Variants in RAB22A observed in about 807,000 individuals in gnomAD.
RAB22A encodes the protein RAB22A, member RAS oncogene family.
In RAB22A, 13 loss-of-function variants were observed where a neutral mutation model predicts 30.2. The observed-to-expected ratio is 0.43, with a 90% CI of 0.28 to 0.68. RAB22A has a LOEUF of 0.68. Among genes scored for constraint, RAB22A ranks in the 30% least tolerant of loss-of-function variants. The pLI, the probability that RAB22A is intolerant of heterozygous loss-of-function variation, is 0.18. For synonymous variants in RAB22A, 89 were observed against 87.2 expected, an observed-to-expected ratio of 1.02 and a Z score of -0.11; for missense variants, 177 against 246.8, an observed-to-expected ratio of 0.72 and a Z score of 1.89.
In RAB22A at chr20:58,366,576, CCTCAAAGACATGTACAA is replaced by C. The variant is rs1209330062; in HGVS notation, c.*6877_*6893del. The C allele has an allele frequency of 6.6e-6, 1 of 152,064 alleles. No individual in the cohort carries two copies. The highest frequency in any genetic ancestry group is 1.5e-5 in the Non-Finnish European group (1 of 67,998). 9.4% of individuals were successfully genotyped at this position (152,064 alleles called of 1,614,324 possible). ...TACAGGTATCAAAATATCATAGGCA[CCTCAAAGACATGTACAA>C]CTCTTAATTTAACATTTTTGAAAGA... On this transcript the variant is annotated 3_prime_UTR_variant, in exon 7 of 7. Transcript: ENST00000244040.
intron 2 of RAB22A, among the ~76,000 whole-genome samples, chr20:58,311,913 A>G (rs561442338): frequency 7.9e-5 from 12 of 152,304 alleles, no homozygotes; most frequent in African/African-American, 2.4e-4. Context: ...AAACTGCCAT[A>G]AGATTGTCCC....
Position 58,361,536 on chromosome 20 carries a change from A to G in RAB22A, c.*1833A>G, listed in dbSNP as rs1987224331. 1 of 152,154 alleles carries G rather than the reference A, an allele frequency of 6.6e-6. No homozygotes were observed. Among genetic ancestry groups the G allele is most frequent in the South Asian group, 2.1e-4 (1 of 4,824 alleles). The allele number at this position is 152,154 out of a possible 1,614,324, so 9.4% of individuals were successfully genotyped here. On this transcript the variant is annotated 3_prime_UTR_variant, in exon 7 of 7. Coordinates refer to ENST00000244040, the MANE Select transcript of RAB22A (RefSeq NM_020673.3). Reference sequence around the variant, plus strand: ...TTTGCTTCCTCCCCGGTGCTAAATTAGCAAGCTCCTAGAGAAGCCATGTGA... The same window carrying G: ...TTTGCTTCCTCCCCGGTGCTAAATTGGCAAGCTCCTAGAGAAGCCATGTGA...
At chr20:58,323,899 A>G (rs1021093549) in intron 2 of RAB22A, among the ~76,000 whole-genome samples, 21 of 152,122 alleles carry the variant, frequency 1.4e-4, no homozygotes, top group African/African-American at 5.1e-4. Flanking sequence ...TTAATGTGGT[A>G]AATTATATCA....
At chr20:58,358,912 A>AT (rs1228956228) in intron 6 of RAB22A, among the ~76,000 whole-genome samples, 1 of 150,716 alleles carries the variant, frequency 6.6e-6, no homozygotes, top group Non-Finnish European at 1.5e-5. Flanking sequence ...AAAAAAAAAA[A>AT]GGTGACGGCT....
chr20:58,317,507 T>C (rs1360637680), intron 2 of RAB22A, among the ~76,000 whole-genome samples: 1 of 152,114 alleles, frequency 6.6e-6, no homozygotes, highest in African/African-American at 2.4e-5. Flanking sequence ...TTTAAAATGC[T>C]TAGGAAAGTA....
chr20:58,317,386 C>T (rs995798442), intron 2 of RAB22A, among the ~76,000 whole-genome samples: 1 of 149,710 alleles, frequency 6.7e-6, no homozygotes, highest in African/African-American at 2.5e-5. Context: ...CATGAGCCGC[C>T]GTGCCTGGCC....
chr20:58,314,856 G>A (rs1156590010), intron 2 of RAB22A, among the ~76,000 whole-genome samples: 3 of 151,948 alleles, frequency 2.0e-5, no homozygotes, highest in African/African-American at 7.2e-5. Flanking sequence ...AAAAAGAAAA[G>A]AAAAAAAAGT....
chr20:58,319,386 TG>T (rs1986407679), intron 2 of RAB22A, among the ~76,000 whole-genome samples: 3 of 152,240 alleles, frequency 2.0e-5, no homozygotes, highest in Non-Finnish European at 4.4e-5. Flanking sequence ...GGTGTATTTC[TG>T]GATTTCCTTT....
intron 2 of RAB22A, among the ~76,000 whole-genome samples, chr20:58,343,247 A>G (rs1284607741): frequency 1.3e-5 from 2 of 152,192 alleles, no homozygotes; most frequent in African/African-American, 4.8e-5. Flanking sequence ...AATGTTATTA[A>G]TTCGCATGTT....
chr20:58,315,971 T>G (rs544899461), intron 2 of RAB22A, among the ~76,000 whole-genome samples: 1 of 152,146 alleles, frequency 6.6e-6, no homozygotes, highest in Non-Finnish European at 1.5e-5. Flanking sequence ...ATCTCTCCTG[T>G]GCTTCCTCCA....
chr20:58,331,870 G>A (rs1986666788), intron 2 of RAB22A, among the ~76,000 whole-genome samples: 1 of 152,134 alleles, frequency 6.6e-6, no homozygotes, highest in Admixed American at 6.5e-5. Flanking sequence ...CAGGTGACGG[G>A]TATTTAAACA....
chr20:58,315,305 A>G (rs904377404), intron 2 of RAB22A, among the ~76,000 whole-genome samples: 1 of 152,096 alleles, frequency 6.6e-6, no homozygotes, highest in Non-Finnish European at 1.5e-5. Flanking sequence ...CTTCACCTGT[A>G]TAATGTGACC....
At chr20:58,337,782 GCCCTGTCTATTCTGT>G (rs1986784660) in intron 2 of RAB22A, among the ~76,000 whole-genome samples, 2 of 152,126 alleles carry the variant, frequency 1.3e-5, no homozygotes, top group African/African-American at 4.8e-5. Flanking sequence ...CCTCTCACCA[GCCCTGTCTATTCTGT>G]GTCCCATCTG....
At chr20:58,332,557 A>G (rs184959588) in intron 2 of RAB22A, among the ~76,000 whole-genome samples, 2 of 152,326 alleles carry the variant, frequency 1.3e-5, no homozygotes, top group Admixed American at 1.3e-4. Context: ...AGATAAGTAG[A>G]AAGTATCCAA....
chr20:58,312,732 C>T (rs113031128), intron 2 of RAB22A, among the ~76,000 whole-genome samples: 10 of 151,964 alleles, frequency 6.6e-5, no homozygotes, highest in African/African-American at 1.9e-4. Context: ...CCTCGTGATC[C>T]GCCTGCCTTG....
chr20:58,347,044 C>G (rs113515774), intron 3 of RAB22A, among the ~76,000 whole-genome samples: 255 of 152,326 alleles, frequency 1.7e-3, no homozygotes, highest in Admixed American at 3.4e-3. Context: ...CCTCTACCTA[C>G]TTTTACCATG....
chr20:58,311,012 T>C, intron 1 of RAB22A, 31 bp from the exon 2 acceptor site: 1 of 1,549,574 alleles, frequency 6.5e-7, no homozygotes, highest in Non-Finnish European at 8.9e-7. Context: ...AGGTAAACTT[T>C]TTCTCAGTCC....
At chr20:58,311,602 C>T (rs899235682) in intron 2 of RAB22A, among the ~76,000 whole-genome samples, 5 of 152,082 alleles carry the variant, frequency 3.3e-5, no homozygotes, top group Admixed American at 6.6e-5. Flanking sequence ...TTTCAGTTCT[C>T]TGGTTCTATG....
chr20:58,310,146 T>C, intron 1 of RAB22A, 134 bp downstream of exon 1: 1 of 886,910 alleles, frequency 1.1e-6, no homozygotes, highest in Non-Finnish European at 1.4e-6. Context: ...GGACCCTCCC[T>C]CCAGCTCGGG....
Sources: allele counts gnomAD v4.1 joint callset (sites outside exome capture counted in the v4.1 genomes callset), GRCh38; gene constraint gnomAD v4.1.1; transcripts MANE v1.5; gene names NCBI Gene and HGNC (gene_info 2026-07-23, HGNC 2026-07-21).